IQCM: variants seen among roughly 807,000 people sequenced by gnomAD.
IQCM encodes the protein IQ domain-containing protein M.
A neutral mutation model predicts 57.6 loss-of-function variants in IQCM; 45 were observed. The ratio of observed to expected loss-of-function variants is 0.78; its 90% CI spans 0.62 to 1.00. The LOEUF is 1.00. Among genes scored for constraint, IQCM ranks in the 50% least tolerant of loss-of-function variants. IQCM has a pLI of 0.00. For synonymous variants in IQCM, 148 were observed against 158.9 expected (o/e 0.93, Z 0.51); for missense variants, 468 against 511.6 (o/e 0.91, Z 0.82).
intron 12 of IQCM, among the ~76,000 whole-genome samples, chr4:149,543,393 T>C (rs180834871): frequency 1.3e-5 from 2 of 152,052 alleles, no homozygotes; most frequent in East Asian, 1.9e-4. Context: ...ATGTTAACAA[T>C]TGCCCCTTCC....
intron 11 of IQCM, among the ~76,000 whole-genome samples, chr4:149,550,696 A>C (rs985119412): frequency 4.6e-5 from 7 of 152,208 alleles, no homozygotes; most frequent in African/African-American, 1.7e-4. Context: ...TCATTGAAAG[A>C]TGCTTAAAAA....
At chr4:149,497,223 C>A (rs1273701495) in intron 12 of IQCM, among the ~76,000 whole-genome samples, 1 of 152,012 alleles carries the variant, frequency 6.6e-6, no homozygotes, top group South Asian at 2.1e-4. Flanking sequence ...GGAGGAGGAG[C>A]CTCAGGGAAG....
intron 5 of IQCM, among the ~76,000 whole-genome samples, chr4:149,729,335 A>G (rs1766244802): frequency 6.6e-6 from 1 of 152,128 alleles, no homozygotes; most frequent in South Asian, 2.1e-4. Flanking sequence ...TTGAACATTC[A>G]ATTACATCAA....
chr4:149,726,135 G>GAAAGAAAGA (rs1436869061), intron 5 of IQCM, among the ~76,000 whole-genome samples: 81 of 145,842 alleles, frequency 5.6e-4, no homozygotes, highest in African/African-American at 1.3e-3. Flanking sequence ...AAGAAAGAAA[G>GAAAGAAAGA]AAAGAAAAGA....
intron 13 of IQCM, among the ~76,000 whole-genome samples, chr4:149,380,216 G>A (rs1166004340): frequency 6.6e-6 from 1 of 151,086 alleles, no homozygotes; most frequent in Non-Finnish European, 1.5e-5. Flanking sequence ...TAATGAATGT[G>A]CTCGTGTGTG....
chr4:149,352,501 C>T (rs954483753), intron 13 of IQCM, among the ~76,000 whole-genome samples: 10 of 152,110 alleles, frequency 6.6e-5, no homozygotes, highest in East Asian at 1.9e-4. Flanking sequence ...TTAGGTATTA[C>T]GTGTAAACTA....
At chr4:149,419,621 C>G (rs1002260439) in intron 13 of IQCM, among the ~76,000 whole-genome samples, 1 of 151,870 alleles carries the variant, frequency 6.6e-6, no homozygotes, top group Non-Finnish European at 1.5e-5. Flanking sequence ...GCAATTGCAA[C>G]GAAGCCAAAA....
At chr4:149,552,406 A>AT (rs1450854745) in intron 11 of IQCM, among the ~76,000 whole-genome samples, 2 of 152,078 alleles carry the variant, frequency 1.3e-5, no homozygotes, top group Admixed American at 1.3e-4. Context: ...TACTTGTGTC[A>AT]TTTTTTTAGT....
intron 12 of IQCM, among the ~76,000 whole-genome samples, chr4:149,478,347 A>C (rs1560891428): frequency 6.6e-6 from 1 of 152,126 alleles, no homozygotes; most frequent in African/African-American, 2.4e-5. Context: ...TTGATTGTAG[A>C]TATCATAGAC....
intron 9 of IQCM, among the ~76,000 whole-genome samples, chr4:149,566,405 C>A (rs1750637547): frequency 6.6e-6 from 1 of 152,126 alleles, no homozygotes. Context: ...ATTGAAGTGA[C>A]AGCTCTAGGT....
intron 7 of IQCM, among the ~76,000 whole-genome samples, chr4:149,642,946 T>C (rs1758323658): frequency 6.6e-6 from 1 of 152,124 alleles, no homozygotes; most frequent in African/African-American, 2.4e-5. Context: ...CCTAGAGTGG[T>C]TTACATTCTA....
At chr4:149,760,281 T>A (rs972478957) in intron 2 of IQCM, among the ~76,000 whole-genome samples, 2 of 152,144 alleles carry the variant, frequency 1.3e-5, no homozygotes, top group Non-Finnish European at 2.9e-5. Context: ...GAAAGCCAAG[T>A]GAAGAGTGGC....
At chr4:149,707,214 A>C (rs914653558) in intron 5 of IQCM, among the ~76,000 whole-genome samples, 1 of 152,046 alleles carries the variant, frequency 6.6e-6, no homozygotes, top group Admixed American at 6.6e-5. Flanking sequence ...TGAACTAAGA[A>C]TGCTATGCTG....
chr4:149,723,855 T>C (rs1765662467), intron 5 of IQCM, among the ~76,000 whole-genome samples: 2 of 151,984 alleles, frequency 1.3e-5, no homozygotes, highest in South Asian at 4.1e-4. Context: ...ATAGTTTCAG[T>C]AGGATTGATA....
intron 13 of IQCM, among the ~76,000 whole-genome samples, chr4:149,357,415 TC>T (rs1729085734): frequency 6.6e-6 from 1 of 152,172 alleles, no homozygotes; most frequent in Non-Finnish European, 1.5e-5. Context: ...TTGAGATACG[TC>T]CCATCAATAC....
intron 2 of IQCM, among the ~76,000 whole-genome samples, chr4:149,768,000 T>A (rs993494187): frequency 1.3e-5 from 2 of 152,070 alleles, no homozygotes; most frequent in African/African-American, 4.8e-5. Flanking sequence ...TTTAGTTATA[T>A]GGGCCTAGAA....
intron 7 of IQCM, among the ~76,000 whole-genome samples, chr4:149,656,457 C>G (rs1433639215): frequency 2.0e-5 from 3 of 152,106 alleles, no homozygotes. Flanking sequence ...GGGCAAGCAG[C>G]AACTGCCTGA....
At chr4:149,564,764 C>T (rs773775607) in intron 9 of IQCM, among the ~76,000 whole-genome samples, 10 of 152,096 alleles carry the variant, frequency 6.6e-5, no homozygotes, top group Non-Finnish European at 1.2e-4. Flanking sequence ...TGCAGACGGC[C>T]TATCGTGGGA....
chr4:149,722,723 G>C (rs1765555061), intron 5 of IQCM, among the ~76,000 whole-genome samples: 1 of 151,914 alleles, frequency 6.6e-6, no homozygotes, highest in African/African-American at 2.4e-5. Flanking sequence ...AGGGTAATGT[G>C]ATATCTCCAG....
Sources: gnomAD v4.1 joint callset for allele counts (sites outside exome capture counted in the v4.1 genomes callset) on GRCh38, gnomAD v4.1.1 for gene constraint, MANE v1.5 for transcripts, NCBI Gene and HGNC (gene_info 2026-07-23, HGNC 2026-07-21) for gene names.